Variants in SMAGP observed in about 807,000 individuals in gnomAD.
The protein encoded by SMAGP is small cell transmembrane and glycosylated protein.
In SMAGP, 7 loss-of-function variants were observed where a neutral mutation model predicts 10.1. That is an observed-to-expected ratio of 0.70 (90% confidence interval 0.40 to 1.31). SMAGP has a LOEUF of 1.31. Ranked by LOEUF, SMAGP falls within the 50% of genes most tolerant of loss-of-function variation. The pLI, the probability that SMAGP is intolerant of heterozygous loss-of-function variation, is 0.01. For synonymous variants in SMAGP, 49 were observed against 47.2 expected (o/e 1.04, Z -0.16); for missense variants, 113 against 116.5 (o/e 0.97, Z 0.14).
chr12:51,253,490 T>C (rs1225131319), intron 2 of SMAGP: 2 of 150,884 alleles, frequency 1.3e-5, no homozygotes, highest in Non-Finnish European at 2.9e-5. Context: ...CATAGGAGCA[T>C]TATGCAATAG....
chr12:51,246,277 C>T, intron 3 of SMAGP, 158 bp from the exon 4 acceptor site: 1 of 1,041,788 alleles, frequency 9.6e-7, no homozygotes, highest in Non-Finnish European at 1.4e-6. Flanking sequence ...CCACCAACCC[C>T]AATTTCCATG....
intron 2 of SMAGP, among the ~76,000 whole-genome samples, chr12:51,250,419 T>A (rs1944825904): frequency 6.6e-6 from 1 of 152,056 alleles, no homozygotes; most frequent in Admixed American, 6.5e-5. Flanking sequence ...TGCTCTGGGT[T>A]TGAATCCTGC....
intron 2 of SMAGP, among the ~76,000 whole-genome samples, chr12:51,267,250 G>A (rs907176412): frequency 1.3e-5 from 2 of 152,000 alleles, no homozygotes; most frequent in African/African-American, 4.8e-5. Flanking sequence ...CTGCCCACCC[G>A]CTTCCTGAAC....
chr12:51,254,439 C>G (rs986482684), intron 2 of SMAGP, among the ~76,000 whole-genome samples: 3 of 151,846 alleles, frequency 2.0e-5, no homozygotes, highest in African/African-American at 4.8e-5. Context: ...CCCAGCTACT[C>G]AGGAGGCTGA....
intron 3 of SMAGP, 160 bp downstream of exon 3, chr12:51,246,591 G>A (rs1163279523): frequency 2.0e-6 from 1 of 510,400 alleles, no homozygotes; most frequent in Non-Finnish European, 3.2e-6. Flanking sequence ...AGAAGCCTCC[G>A]AGTCTTTTAT....
chr12:51,252,724 A>T (rs780185489), intron 2 of SMAGP, among the ~76,000 whole-genome samples: 1 of 152,128 alleles, frequency 6.6e-6, no homozygotes, highest in Non-Finnish European at 1.5e-5. Context: ...ATTTGCAACA[A>T]GAACAAAGAA....
chr12:51,245,643 G>GA lies in SMAGP; in HGVS notation c.*297dup. On this transcript the variant is annotated 3_prime_UTR_variant, in exon 4 of 4. Transcript: ENST00000603798. ...AATCTTTTCTCTCCCTTCAACCTGTGAAAAAAGATGACTGGGCACATACTC... is the reference window on the plus strand; with the variant it reads ...AATCTTTTCTCTCCCTTCAACCTGTGAAAAAAAGATGACTGGGCACATACTC... 3.1e-6 allele frequency: 1 copy of GA among 319,902 alleles called. No homozygotes were observed. Among genetic ancestry groups the GA allele is most frequent in the Non-Finnish European group, 5.9e-6 (1 of 169,694 alleles). The allele number at this position is 319,902 out of a possible 1,614,324, so 19.8% of individuals were successfully genotyped here. A position where few individuals can be genotyped will look rare whatever the true frequency, so the allele number is the denominator to read the frequency against.
At chr12:51,255,732 C>T (rs1249963875) in intron 2 of SMAGP, among the ~76,000 whole-genome samples, 1 of 152,206 alleles carries the variant, frequency 6.6e-6, no homozygotes, top group Admixed American at 6.5e-5. Flanking sequence ...GTACCCTGCA[C>T]AAGTGCACAG....
Position 51,244,990 on chromosome 12 carries a change from AT to A in SMAGP, c.*950del. ...TGGGCGCCCGCCACCACGCCCAGCT[AT>A]TTTTTTTATATATTTTTAGTAGAGA... On this transcript the variant is annotated 3_prime_UTR_variant, in exon 4 of 4. Transcript: ENST00000603798. 6.6e-6 allele frequency: 1 copy of A among 152,108 alleles called. No individual in the cohort carries two copies. Among genetic ancestry groups the A allele is most frequent in the Non-Finnish European group, 1.5e-5 (1 of 68,062 alleles). 9.4% of individuals were successfully genotyped at this position (152,108 alleles called of 1,614,324 possible). A position where few individuals can be genotyped will look rare whatever the true frequency, so the allele number is the denominator to read the frequency against.
At position 51,251,212 on chromosome 12, in the gene SMAGP, T is replaced by C. The variant is rs150149233; in HGVS notation, c.35-4381A>G. Among the ~76,000 whole-genome samples the C allele has an allele frequency of 0.014, 2,088 of 152,120 alleles. 85 individuals carry two copies. In the East Asian group the frequency reaches 0.15, roughly 11 times the overall value. On this transcript the variant is annotated intron_variant, in intron 2 of 3. Coordinates refer to ENST00000603798, the MANE Select transcript of SMAGP (RefSeq NM_001031628.2). The stretch of plus-strand genomic sequence containing the variant: ...ACTTTGGGAGGCGGAGGCAGGAGGA[T>C]TGCTTGAGGCCAGGAGTTTGAGACT...
intron 2 of SMAGP, among the ~76,000 whole-genome samples, chr12:51,266,825 T>C (rs930685084): frequency 6.6e-6 from 1 of 152,134 alleles, no homozygotes; most frequent in Admixed American, 6.6e-5. Context: ...TATTTTACCA[T>C]AAATTTTAAA....
intron 2 of SMAGP, among the ~76,000 whole-genome samples, chr12:51,261,078 C>G (rs1305599498): frequency 6.8e-6 from 1 of 146,390 alleles, no homozygotes; most frequent in Admixed American, 7.0e-5. Flanking sequence ...TGTGAGCCAC[C>G]GTGCCCAGCC....
At chr12:51,259,286 A>C (rs1351933771) in intron 2 of SMAGP, among the ~76,000 whole-genome samples, 1 of 152,152 alleles carries the variant, frequency 6.6e-6, no homozygotes, top group Admixed American at 6.6e-5. Flanking sequence ...GACAATTTTA[A>C]AATTTTTTGT....
intron 2 of SMAGP, among the ~76,000 whole-genome samples, chr12:51,264,856 C>T (rs1222550122): frequency 4.7e-5 from 7 of 148,474 alleles, no homozygotes; most frequent in African/African-American, 1.2e-4. Context: ...TGCTTGAACC[C>T]GGGAGGTGGA....
intron 2 of SMAGP, among the ~76,000 whole-genome samples, chr12:51,253,171 T>G (rs1193497824): frequency 6.6e-6 from 1 of 152,144 alleles, no homozygotes; most frequent in East Asian, 1.9e-4. Context: ...GAAGTCAGAA[T>G]GGGACTACTG....
At chr12:51,262,354 C>A (rs1034792738) in intron 2 of SMAGP, among the ~76,000 whole-genome samples, 6 of 152,060 alleles carry the variant, frequency 3.9e-5, no homozygotes, top group African/African-American at 1.4e-4. Flanking sequence ...GTGGCACGCA[C>A]CTGTGATCCC....
intron 2 of SMAGP, among the ~76,000 whole-genome samples, chr12:51,258,795 GCCAAAATAAGGC>G (rs986284640): frequency 6.6e-6 from 1 of 151,814 alleles, no homozygotes; most frequent in African/African-American, 2.4e-5. Context: ...TCATGCAAGG[GCCAAAATAAGGC>G]CTTTATGTAA....
chr12:51,264,770 A>G (rs934486257), intron 2 of SMAGP, among the ~76,000 whole-genome samples: 2 of 151,872 alleles, frequency 1.3e-5, no homozygotes, highest in African/African-American at 2.4e-5. Flanking sequence ...CGTCTCTACT[A>G]AAATACAAAA....
At chr12:51,248,900 C>CAAA (rs545881552) in intron 2 of SMAGP, among the ~76,000 whole-genome samples, 13 of 95,612 alleles carry the variant, frequency 1.4e-4, no homozygotes, top group African/African-American at 3.6e-4. Context: ...AAAAATACCA[C>CAAA]AAAAAAAAAA....
Sources: allele counts gnomAD v4.1 joint callset (sites outside exome capture counted in the v4.1 genomes callset), GRCh38; gene constraint gnomAD v4.1.1; transcripts MANE v1.5; gene names NCBI Gene and HGNC (gene_info 2026-07-23, HGNC 2026-07-21).